PCDHA5: variants seen among roughly 807,000 people sequenced by gnomAD.
PCDHA5 encodes the protein protocadherin alpha-5.
Under a neutral mutation model 61.6 loss-of-function variants are expected in PCDHA5, and 43 were observed. That is an observed-to-expected ratio of 0.70 (90% CI 0.55 to 0.90). The LOEUF (loss-of-function observed/expected upper bound fraction) is 0.90. Ranked by LOEUF, PCDHA5 falls within the 40% of genes least tolerant of loss-of-function variation. The pLI is 0.00. For synonymous variants in PCDHA5, 627 were observed against 543.9 expected (o/e 1.15, Z -2.13); for missense variants, 1,298 against 1,222.7 (o/e 1.06, Z -0.92).
chr5:140,950,917 A>G (rs1270492994), intron 1 of PCDHA5, among the ~76,000 whole-genome samples: 10 of 151,524 alleles, frequency 6.6e-5, no homozygotes, highest in African/African-American at 2.4e-4. Context: ...ATTTTATTTC[A>G]GTTCTTTTTC....
chr5:140,836,113 TGA>T, intron 1 of PCDHA5: 1 of 1,613,528 alleles, frequency 6.2e-7, no homozygotes, highest in Non-Finnish European at 8.5e-7. Flanking sequence ...GGTGGCGCAG[TGA>T]GAGAGCTTGT....
At chr5:140,843,066 C>T (rs2150351563) in intron 1 of PCDHA5, 4 of 1,595,216 alleles carry the variant, frequency 2.5e-6, no homozygotes, top group Non-Finnish European at 3.4e-6. Context: ...AAGCTGGTGC[C>T]GCGGTCTGTG....
chr5:140,877,433 A>G, intron 1 of PCDHA5: 8 of 1,613,774 alleles, frequency 5.0e-6, no homozygotes, highest in Non-Finnish European at 6.8e-6. Context: ...GTGAAGGACC[A>G]CGGTGAGCCC....
chr5:140,828,646 C>T, intron 1 of PCDHA5: 1 of 1,614,158 alleles, frequency 6.2e-7, no homozygotes, highest in Non-Finnish European at 8.5e-7. Context: ...TGAAAATAAA[C>T]AGTGATGACA....
chr5:140,824,361 G>A (rs1296667094), intron 1 of PCDHA5: 22 of 575,078 alleles, frequency 3.8e-5, no homozygotes, highest in Non-Finnish European at 6.6e-5. Flanking sequence ...TTTTATATTA[G>A]CATTTGAATT....
chr5:140,913,981 G>A (rs1222294742), intron 1 of PCDHA5, among the ~76,000 whole-genome samples: 1 of 152,090 alleles, frequency 6.6e-6, no homozygotes, highest in Non-Finnish European at 1.5e-5. Flanking sequence ...TTTAGGACTT[G>A]TATTGTGACT....
At chr5:140,831,878 G>A (rs2150197940) in intron 1 of PCDHA5, among the ~76,000 whole-genome samples, 3 of 152,080 alleles carry the variant, frequency 2.0e-5, no homozygotes, top group Admixed American at 6.6e-5. Context: ...ATTGTAAGGC[G>A]CTTATAACTG....
At chr5:140,924,907 A>AT (rs1242980267) in intron 1 of PCDHA5, among the ~76,000 whole-genome samples, 3,369 of 50,932 alleles carry the variant, frequency 0.066, 44 homozygotes, top group African/African-American at 0.099. Context: ...AAAAAAAAAT[A>AT]AAATAAAATA....
At chr5:140,857,430 T>A in intron 1 of PCDHA5, 2 of 1,598,338 alleles carry the variant, frequency 1.3e-6, no homozygotes, top group African/African-American at 2.7e-5. Context: ...GAGTACACGG[T>A]GTTCGTGAAG....
chr5:140,876,660 G>A, intron 1 of PCDHA5: 1 of 1,614,216 alleles, frequency 6.2e-7, no homozygotes, highest in Non-Finnish European at 8.5e-7. Flanking sequence ...TTCCCTTCAA[G>A]CTGGTGTCCA....
At position 140,843,609 on chromosome 5, in the gene PCDHA5, G is replaced by C. The variant is rs145975691; in HGVS notation, c.2352+19482G>C. 647 of 1,595,902 alleles carry C rather than the reference G, an allele frequency of 4.1e-4. 69 individuals are homozygous for C. The highest frequency in any genetic ancestry group is 5.3e-4 in the Non-Finnish European group (622 of 1,165,530). On this transcript the variant is annotated intron_variant, in intron 1 of 3. Coordinates refer to ENST00000529859, the MANE Select transcript of PCDHA5 (RefSeq NM_018908.3). ...CCGCAGAGGGTGTGCTCTGGTGAGG[G>C]GCCACCGAAGACGGACCTCATGGCC...
In PCDHA5 at chr5:140,912,343, A is replaced by T. The variant is rs547543923; in HGVS notation, c.2353-66606A>T. Among the ~76,000 whole-genome samples, 324 of 143,902 alleles carry T rather than the reference A, an allele frequency of 2.3e-3. 1 individual carries two copies. The highest frequency in any genetic ancestry group is 7.8e-3 in the African/African-American group (308 of 39,358). 94.4% of individuals were successfully genotyped at this position (143,902 alleles called of 152,430 possible). A position where few individuals can be genotyped will look rare whatever the true frequency, so the allele number is the denominator to read the frequency against. On this transcript the variant is annotated intron_variant, in intron 1 of 3. Transcript: ENST00000529859. ...CTCAGTATTAACCAGTACACTAAGT[A>T]TTTTTTTTTTTTTTTGCAGCTGTTG... is the stretch of plus-strand genomic sequence containing the variant.
intron 1 of PCDHA5, chr5:140,966,987 C>T (rs782372991): frequency 6.2e-7 from 1 of 1,604,132 alleles, no homozygotes; most frequent in South Asian, 1.1e-5. Context: ...CGCTTGGGGC[C>T]GGGTTGCTTG....
chr5:140,874,321 T>C (rs1476462736), intron 1 of PCDHA5, among the ~76,000 whole-genome samples: 2 of 151,726 alleles, frequency 1.3e-5, no homozygotes, highest in Non-Finnish European at 2.9e-5. Flanking sequence ...TGTAGGATCT[T>C]ATCTGTTTTT....
intron 1 of PCDHA5, chr5:140,870,128 C>T: frequency 6.2e-7 from 1 of 1,613,948 alleles, no homozygotes; most frequent in Non-Finnish European, 8.5e-7. Flanking sequence ...ATCTTGGACA[C>T]CAACGATAAC....
rs111391918 is a variant in PCDHA5 at position 140,984,395 on chromosome 5, G to A, written c.2500+1832G>A. ...CCCTCTTTCAGATTCAAAAAATGTTGAGAACCTATCTTTTTTACAGAGATA... is the reference window on the plus strand; with the variant it reads ...CCCTCTTTCAGATTCAAAAAATGTTAAGAACCTATCTTTTTTACAGAGATA... On this transcript the variant is annotated intron_variant, in intron 3 of 3. Coordinates refer to ENST00000529859, the MANE Select transcript of PCDHA5 (RefSeq NM_018908.3). 6.4e-3 allele frequency among the ~76,000 whole-genome samples: 978 copies of A among 152,194 alleles called. 14 individuals are homozygous for A. Among genetic ancestry groups the A allele is most frequent in the African/African-American group, 0.023 (947 of 41,508 alleles).
intron 3 of PCDHA5, among the ~76,000 whole-genome samples, chr5:141,004,872 C>T (rs1242067093): frequency 6.6e-6 from 1 of 152,042 alleles, no homozygotes; most frequent in Non-Finnish European, 1.5e-5. Context: ...GTTTCTCATC[C>T]CTAAAGTGCT....
In PCDHA5 at chr5:140,910,096, C is replaced by G. The variant is rs1583731198; in HGVS notation, c.2353-68853C>G. On this transcript the variant is annotated intron_variant, in intron 1 of 3. Coordinates refer to ENST00000529859, the MANE Select transcript of PCDHA5 (RefSeq NM_018908.3). ...ATTGTTGTCAAGGGGAACCAGCCTCCCCTTCATTTAAGGGATTCTAGGTCT... is the reference window on the plus strand; with the variant it reads ...ATTGTTGTCAAGGGGAACCAGCCTCGCCTTCATTTAAGGGATTCTAGGTCT... Among the ~76,000 whole-genome samples the G allele has an allele frequency of 2.6e-5, 4 of 152,262 alleles. No individual in the cohort carries two copies. The East Asian group carries it at 7.7e-4, about 29-fold the overall frequency.
At chr5:140,897,915 T>C (rs2066399470) in intron 1 of PCDHA5, among the ~76,000 whole-genome samples, 1 of 152,246 alleles carries the variant, frequency 6.6e-6, no homozygotes. Context: ...ATTGTGGTTT[T>C]GATTTGCGTT....
Sources: allele counts gnomAD v4.1 joint callset (sites outside exome capture counted in the v4.1 genomes callset), GRCh38; gene constraint gnomAD v4.1.1; transcripts MANE v1.5; gene names NCBI Gene and HGNC (gene_info 2026-07-23, HGNC 2026-07-21).